The following DTX1 variants were observed in gnomAD, a reference collection of about 807,000 sequenced individuals.
DTX1 encodes deltex E3 ubiquitin ligase 1.
Under a neutral mutation model 57.8 loss-of-function variants are expected in DTX1, and 26 were observed. The observed-to-expected ratio is 0.45, with a 90% CI of 0.33 to 0.62. The LOEUF (loss-of-function observed/expected upper bound fraction) is 0.62, where lower values mean the gene tolerates loss of function less well. Ranked by LOEUF, DTX1 falls within the 20% of genes least tolerant of loss-of-function variation. DTX1 has a pLI of 0.02. For missense variants in DTX1, 704 were observed against 895.3 expected, an observed-to-expected ratio of 0.79 and a Z score of 2.73; for synonymous variants, 398 against 394.1, an observed-to-expected ratio of 1.01 and a Z score of -0.12.
At chr12:113,068,378 T>C (rs1180740141) in intron 2 of DTX1, among the ~76,000 whole-genome samples, 3 of 152,178 alleles carry the variant, frequency 2.0e-5, no homozygotes, top group African/African-American at 7.2e-5. Context: ...CAAGGTGCTA[T>C]GGAGTCCCCA....
intron 2 of DTX1, among the ~76,000 whole-genome samples, chr12:113,072,420 T>C (rs1360387478): frequency 2.6e-5 from 4 of 152,224 alleles, no homozygotes; most frequent in African/African-American, 9.6e-5. Flanking sequence ...GATGAGCACA[T>C]GGAGGGCTTT....
At chr12:113,080,144 T>A (rs1018130745) in intron 3 of DTX1, among the ~76,000 whole-genome samples, 7 of 152,020 alleles carry the variant, frequency 4.6e-5, no homozygotes, top group Non-Finnish European at 8.8e-5. Flanking sequence ...GAGGAGAGGG[T>A]CATGGGGACA....
chr12:113,086,317 C>T (rs2044856903), intron 3 of DTX1, among the ~76,000 whole-genome samples: 1 of 151,098 alleles, frequency 6.6e-6, no homozygotes, highest in African/African-American at 2.4e-5. Context: ...TGCCAGACAG[C>T]AGAACAGCAT....
In DTX1 at chr12:113,077,346, G is replaced by T; in HGVS notation, c.260-78G>T. ...ACCCCCCAACCTCCCGCCCACCCTT[G>T]CCTGGCTGTGGCCCGCCCTTCCAGC... is the stretch of plus-strand genomic sequence containing the variant. On this transcript the variant is annotated intron_variant, in intron 2 of 9. Transcript: ENST00000548759. The surrounding 1 kb of genome is among the most constrained non-coding windows in gnomAD (Gnocchi z 7.8). 6.9e-4 allele frequency: 585 copies of T among 845,852 alleles called. No homozygotes were observed. Among genetic ancestry groups the T allele is most frequent in the Non-Finnish European group, 8.7e-4 (506 of 582,990 alleles). 52.4% of individuals were successfully genotyped at this position (845,852 alleles called of 1,614,324 possible).
intron 2 of DTX1, among the ~76,000 whole-genome samples, chr12:113,060,164 C>A (rs1362440545): frequency 6.6e-6 from 1 of 152,160 alleles, no homozygotes; most frequent in African/African-American, 2.4e-5. Flanking sequence ...TTCCGTAACT[C>A]CAGGCATTGA....
rs532562329 is a variant in DTX1, at chr12:113,095,472, A to G, written c.1638+58A>G. On this transcript the variant is annotated intron_variant, in intron 9 of 9. Transcript: ENST00000548759. The stretch of plus-strand genomic sequence containing the variant: ...GGCACAGGCAGGGGCTCCAGCAACC[A>G]CTGGCCTGGGCCTGTGGTCCCCATC... 4,883 of 1,604,572 alleles carry G rather than the reference A, an allele frequency of 3.0e-3. 23 individuals carry two copies. The highest frequency in any genetic ancestry group is 3.7e-3 in the Non-Finnish European group (4,333 of 1,173,708).
rs1194212471 is a variant in DTX1, at chr12:113,095,651, G to A, written c.1638+237G>A. ...AGACAAAGACACAAGGCTTCAGAAA[G>A]GGCAAGTCACTTGACTGTGGTCACA... On this transcript the variant is annotated intron_variant, in intron 9 of 9. Coordinates refer to ENST00000548759, the MANE Select transcript of DTX1 (RefSeq NM_004416.3). The A allele has an allele frequency of 1.3e-5, 7 of 543,580 alleles. 1 individual carries two copies. In the South Asian group the frequency reaches 1.7e-4, roughly 13 times the overall value. The allele number at this position is 543,580 out of a possible 1,614,324, so 33.7% of individuals were successfully genotyped here.
rs1481509806 is a variant in DTX1 at position 113,057,561 on chromosome 12, C to G, written c.-632C>G. The G allele has an allele frequency of 6.6e-6, 1 of 152,508 alleles. No homozygotes were observed. Among genetic ancestry groups the G allele is most frequent in the African/African-American group, 2.4e-5 (1 of 41,420 alleles). The allele number at this position is 152,508 out of a possible 1,614,324, so 9.4% of individuals were successfully genotyped here. A position where few individuals can be genotyped will look rare whatever the true frequency, so the allele number is the denominator to read the frequency against. On this transcript the variant is annotated 5_prime_UTR_variant, in exon 2 of 10. Transcript: ENST00000548759. ...TCCAGGCGCGCCGCCCGAGGGTCCA[C>G]GCCGCACCCCTCCCCCGTGCGTTCT...
Position 113,097,896 on chromosome 12 carries a change from C to T in DTX1, c.*957C>T, listed in dbSNP as rs908071222. The T allele has an allele frequency of 6.5e-6, 1 of 152,742 alleles. No homozygotes were observed. The highest frequency in any genetic ancestry group is 6.5e-5 in the Admixed American group (1 of 15,288). 9.5% of individuals were successfully genotyped at this position (152,742 alleles called of 1,614,324 possible). A position where few individuals can be genotyped will look rare whatever the true frequency, so the allele number is the denominator to read the frequency against. On this transcript the variant is annotated 3_prime_UTR_variant, in exon 10 of 10. Transcript: ENST00000548759. The stretch of plus-strand genomic sequence containing the variant: ...CCAGGGGCCTGTTGCCCAGGCAACT[C>T]ACCAGCTCCGCCTCTGCTGATTGGC...
intron 2 of DTX1, among the ~76,000 whole-genome samples, chr12:113,061,221 C>T (rs1272052655): frequency 2.0e-5 from 3 of 152,172 alleles, no homozygotes; most frequent in Non-Finnish European, 4.4e-5. Context: ...AAAAAAAACA[C>T]TCATTCCTAA....
In DTX1 at chr12:113,093,438, C is replaced by A; in HGVS notation, c.1004-101C>A. The A allele has an allele frequency of 9.0e-6, 6 of 670,334 alleles. No homozygotes were observed. Among genetic ancestry groups the A allele is most frequent in the Non-Finnish European group, 1.2e-5 (5 of 402,098 alleles). The allele number at this position is 670,334 out of a possible 1,614,324, so 41.5% of individuals were successfully genotyped here. A position where few individuals can be genotyped will look rare whatever the true frequency, so the allele number is the denominator to read the frequency against. ...GAGTGGGTGGGGCCCAAGAGCGCAA[C>A]CCTCCCACCCACCCGAGGGCCCCGG... On this transcript the variant is annotated intron_variant, in intron 4 of 9. Coordinates refer to ENST00000548759, the MANE Select transcript of DTX1 (RefSeq NM_004416.3). The surrounding 1 kb of genome is among the most constrained non-coding windows in gnomAD (Gnocchi z 4.2).
intron 2 of DTX1, among the ~76,000 whole-genome samples, chr12:113,066,998 G>A (rs1324414246): frequency 6.6e-6 from 1 of 152,024 alleles, no homozygotes. Flanking sequence ...TCCCTCTGGA[G>A]CTGCTCCAGG....
intron 3 of DTX1, among the ~76,000 whole-genome samples, chr12:113,080,817 A>G (rs2044810737): frequency 6.6e-6 from 1 of 152,084 alleles, no homozygotes; most frequent in Non-Finnish European, 1.5e-5. Flanking sequence ...CTCTACAACA[A>G]TAACAAAAAA....
At position 113,096,701 on chromosome 12, in the gene DTX1, C is replaced by G. The variant is rs201749394; in HGVS notation, c.1639-14C>G. 7.5e-6 allele frequency: 12 copies of G among 1,604,926 alleles called. No individual in the cohort carries two copies. In the East Asian group the frequency reaches 1.4e-4, roughly 18 times the overall value. ...TGACCTCCTCCCGGCCCCACTGTGT[C>G]CCTGTCCCCCCAGGTGCTGCGGCTG... On this transcript the variant is annotated splice_polypyrimidine_tract_variant and intron_variant, in intron 9 of 9. Transcript: ENST00000548759.
intron 2 of DTX1, among the ~76,000 whole-genome samples, chr12:113,069,400 C>A (rs1484974444): frequency 6.6e-6 from 1 of 152,164 alleles, no homozygotes; most frequent in Non-Finnish European, 1.5e-5. Context: ...GAGTGCCACG[C>A]AGCCCTTCAG....
Position 113,077,332 on chromosome 12 carries a change from T to TC in DTX1, c.260-89dup. On this transcript the variant is annotated intron_variant, in intron 2 of 9. Coordinates refer to ENST00000548759, the MANE Select transcript of DTX1 (RefSeq NM_004416.3). The surrounding 1 kb of genome is among the most constrained non-coding windows in gnomAD (Gnocchi z 7.8). ...GGAGGCCTGTGCTGACCCCCCAACC[T>TC]CCCGCCCACCCTTGCCTGGCTGTGG... 9.9e-7 allele frequency: 1 copy of TC among 1,013,304 alleles called. No homozygotes were observed. The highest frequency in any genetic ancestry group is 2.7e-5 in the Admixed American group (1 of 37,454). The allele number at this position is 1,013,304 out of a possible 1,614,324, so 62.8% of individuals were successfully genotyped here.
chr12:113,074,093 G>A (rs1221237390), intron 2 of DTX1, among the ~76,000 whole-genome samples: 2 of 152,110 alleles, frequency 1.3e-5, no homozygotes, highest in Non-Finnish European at 2.9e-5. Context: ...AATCAGCTGG[G>A]TGACACATAC....
intron 2 of DTX1, among the ~76,000 whole-genome samples, chr12:113,065,622 G>A (rs1195181407): frequency 6.6e-6 from 1 of 152,216 alleles, no homozygotes. Flanking sequence ...GGAAGGAGGA[G>A]ATGGAAGCTG....
rs2044639492 is a variant in DTX1 at position 113,057,914 on chromosome 12, TAGAGCTGTTTCCTCCGGCATAAGAGAGAC to T, written c.-277_-249del. ...AGCCAGCCGAGGGGGCCAAGGACTT[TAGAGCTGTTTCCTCCGGCATAAGAGAGAC>T]ACTTGCTTTCCAGGGCAGCACCCTT... On this transcript the variant is annotated 5_prime_UTR_variant, in exon 2 of 10. Coordinates refer to ENST00000548759, the MANE Select transcript of DTX1 (RefSeq NM_004416.3). The T allele has an allele frequency of 2.0e-6, 1 of 495,378 alleles. No individual in the cohort carries two copies. The highest frequency in any genetic ancestry group is 3.9e-5 in the Admixed American group (1 of 25,960). 30.7% of individuals were successfully genotyped at this position (495,378 alleles called of 1,614,324 possible). A position where few individuals can be genotyped will look rare whatever the true frequency, so the allele number is the denominator to read the frequency against.
Sources: gnomAD v4.1 joint callset for allele counts (sites outside exome capture counted in the v4.1 genomes callset) on GRCh38, gnomAD v4.1.1 for gene constraint, Gnocchi (gnomAD v3.1) non-coding constraint, MANE v1.5 for transcripts, NCBI Gene and HGNC (gene_info 2026-07-23, HGNC 2026-07-21) for gene names.